The following ERN1 variants were observed in gnomAD, a reference collection of about 807,000 sequenced individuals.
ERN1 encodes endoplasmic reticulum to nucleus signaling 1.
ERN1 carries 39 observed loss-of-function variants against 113.1 expected under a neutral mutation model. That is an observed-to-expected ratio of 0.34 (90% CI 0.27 to 0.45). The LOEUF (loss-of-function observed/expected upper bound fraction) is 0.45, where lower values mean the gene tolerates loss of function less well. Among genes scored for constraint, ERN1 ranks in the 20% least tolerant of loss-of-function variants. The pLI is 1.00. For synonymous variants in ERN1, 507 were observed against 515.9 expected (o/e 0.98, Z 0.23); for missense variants, 976 against 1,274.8 (o/e 0.77, Z 3.57).
intron 2 of ERN1, among the ~76,000 whole-genome samples, chr17:64,084,880 T>C (rs900326898): frequency 6.6e-6 from 1 of 152,216 alleles, no homozygotes; most frequent in African/African-American, 2.4e-5. Context: ...TTGCACTGGC[T>C]GTTCCTCTGC....
At chr17:64,077,980 A>G (rs1003025838) in intron 4 of ERN1, among the ~76,000 whole-genome samples, 24 of 152,104 alleles carry the variant, frequency 1.6e-4, no homozygotes, top group South Asian at 1.5e-3. Flanking sequence ...TGATCCGCCC[A>G]CCTTGGCCTC....
chr17:64,071,298 G>T (rs560389311), intron 6 of ERN1, among the ~76,000 whole-genome samples: 1 of 152,256 alleles, frequency 6.6e-6, no homozygotes, highest in South Asian at 2.1e-4. Context: ...TTGTGAGAGA[G>T]GATATTTGCC....
In ERN1 at chr17:64,044,634, G is replaced by A. The variant is rs1912453812; in HGVS notation, c.2721+226C>T. Among the ~76,000 whole-genome samples, 1 of 152,208 alleles carries A rather than the reference G, an allele frequency of 6.6e-6. No individual in the cohort carries two copies. The highest frequency in any genetic ancestry group is 1.5e-5 in the Non-Finnish European group (1 of 68,034). ...CCAGAGACCATGAGGGACATGGGCCGCAGAGCACTGCTTCCCGGAGCTTCA... is the reference window on the plus strand; with the variant it reads ...CCAGAGACCATGAGGGACATGGGCCACAGAGCACTGCTTCCCGGAGCTTCA... On this transcript the variant is annotated intron_variant, in intron 21 of 21. Coordinates refer to ENST00000433197, the MANE Select transcript of ERN1 (RefSeq NM_001433.5). The surrounding 1 kb of genome is among the most constrained non-coding windows in gnomAD (Gnocchi z 4.1).
chr17:64,106,664 T>C (rs1469613977), intron 1 of ERN1, among the ~76,000 whole-genome samples: 2 of 148,566 alleles, frequency 1.3e-5, no homozygotes, highest in African/African-American at 5.0e-5. Flanking sequence ...GAAATACCAG[T>C]AAGACACTTT....
At chr17:64,103,271 C>A (rs145744891) in intron 1 of ERN1, among the ~76,000 whole-genome samples, 230 of 151,956 alleles carry the variant, frequency 1.5e-3, no homozygotes, top group African/African-American at 5.5e-3. Flanking sequence ...CCGAGGTGGG[C>A]GGATCACTTG....
In ERN1 at chr17:64,129,986, G is replaced by GGCA. The variant is rs757554328; in HGVS notation, c.41_43dup (p.Leu14dup). ...TCCCCGGTCACTCACCCCGAGGCCG[G>GGCA]GCAGCAGCAGCGTCAGCAGCAGCAG... On this transcript the variant is annotated inframe_insertion, in exon 1 of 22. Transcript: ENST00000433197. The GGCA allele has an allele frequency of 1.4e-6, 2 of 1,449,440 alleles. No individual in the cohort carries two copies. The highest frequency in any genetic ancestry group is 1.8e-6 in the Non-Finnish European group (2 of 1,106,888). 89.8% of individuals were successfully genotyped at this position (1,449,440 alleles called of 1,614,324 possible).
intron 1 of ERN1, chr17:64,128,626 C>T (rs936843787): frequency 2.0e-5 from 3 of 152,134 alleles, no homozygotes; most frequent in African/African-American, 7.2e-5. Context: ...TCTGCTTATA[C>T]CTTCGTTTGT....
rs1305727769 is a variant in ERN1 at position 64,109,953 on chromosome 17, G to T, written c.55-11712C>A. On this transcript the variant is annotated intron_variant, in intron 1 of 21. Coordinates refer to ENST00000433197, the MANE Select transcript of ERN1 (RefSeq NM_001433.5). ...ATCAGCACTCCACTTTGATATGAGG[G>T]TTGGATCTTTTGGATGAGACCAAAA... Among the ~76,000 whole-genome samples, 5 of 152,304 alleles carry T rather than the reference G, an allele frequency of 3.3e-5. No homozygotes were observed. The East Asian group carries it at 9.6e-4, about 29-fold the overall frequency.
At chr17:64,109,418 A>T (rs1914614787) in intron 1 of ERN1, among the ~76,000 whole-genome samples, 1 of 152,222 alleles carries the variant, frequency 6.6e-6, no homozygotes, top group Non-Finnish European at 1.5e-5. Context: ...GCTAGAAAAG[A>T]AGTACTATGA....
chr17:64,098,309 A>AC (rs751027839), intron 1 of ERN1, 68 bp from the exon 2 acceptor site: 61 of 1,573,320 alleles, frequency 3.9e-5, no homozygotes, highest in Middle Eastern at 3.3e-4. Context: ...ACAATCACAG[A>AC]CCCCCCACTC....
At chr17:64,098,028 A>C (rs1914276582) in intron 2 of ERN1, 93 bp downstream of exon 2, 2 of 1,446,638 alleles carry the variant, frequency 1.4e-6, no homozygotes, top group Non-Finnish European at 1.9e-6. Context: ...ATTTTATTAG[A>C]TAATGAGTAA....
At chr17:64,070,601 T>G (rs1913379243) in intron 6 of ERN1, among the ~76,000 whole-genome samples, 1 of 152,150 alleles carries the variant, frequency 6.6e-6, no homozygotes, top group Non-Finnish European at 1.5e-5. Context: ...GGCCAGCTTC[T>G]GCAGGGCCCA....
chr17:64,061,902 G>C (rs1913067182), intron 10 of ERN1, among the ~76,000 whole-genome samples: 1 of 152,322 alleles, frequency 6.6e-6, no homozygotes. Flanking sequence ...CTGTCTGGTA[G>C]GACACCTGCC....
intron 4 of ERN1, among the ~76,000 whole-genome samples, chr17:64,077,723 C>T (rs568040913): frequency 4.9e-4 from 74 of 151,696 alleles, no homozygotes; most frequent in African/African-American, 1.7e-3. Context: ...GGCACATGTC[C>T]ATTGGTGAAC....
Position 64,057,922 on chromosome 17 carries a change from G to A in ERN1, c.1278C>T (p.Pro426=), listed in dbSNP as rs374991812. Residue 426 remains proline, a synonymous_variant, in exon 12 of 22, where the codon CCC becomes CCT. Transcript: ENST00000433197. ...TTVSRDVEEK[P]AHAPARPEAP... The stretch of plus-strand genomic sequence containing the variant: ...CCTCGGGCCGGGCAGGGGCATGGGC[G>A]GGCTTCTCCTCCACATCCCGAGACA... 32 of 1,610,810 alleles carry A rather than the reference G, an allele frequency of 2.0e-5. No homozygotes were observed. Among genetic ancestry groups the A allele is most frequent in the African/African-American group, 1.2e-4 (9 of 74,862 alleles).
intron 1 of ERN1, among the ~76,000 whole-genome samples, chr17:64,116,522 T>C (rs1914805664): frequency 6.6e-6 from 1 of 152,206 alleles, no homozygotes; most frequent in Non-Finnish European, 1.5e-5. Context: ...AATGAGGTAG[T>C]ACCTTTAAAG....
intron 2 of ERN1, among the ~76,000 whole-genome samples, chr17:64,086,573 G>A (rs1913930581): frequency 1.4e-5 from 2 of 145,518 alleles, no homozygotes; most frequent in South Asian, 4.4e-4. Flanking sequence ...TAAAGCTTCT[G>A]TGAACATTTG....
intron 12 of ERN1, among the ~76,000 whole-genome samples, chr17:64,056,195 C>T (rs1034730746): frequency 1.3e-5 from 2 of 152,162 alleles, no homozygotes; most frequent in Admixed American, 1.3e-4. Context: ...TGGATGGCCA[C>T]CAGGGGAGGG....
intron 2 of ERN1, among the ~76,000 whole-genome samples, chr17:64,086,390 G>C (rs1913925100): frequency 6.6e-6 from 1 of 151,982 alleles, no homozygotes; most frequent in Admixed American, 6.6e-5. Context: ...TTTGTGCCTG[G>C]CCTCTTTATC....
Sources: allele counts gnomAD v4.1 joint callset (sites outside exome capture counted in the v4.1 genomes callset), GRCh38; gene constraint gnomAD v4.1.1; non-coding constraint Gnocchi (gnomAD v3.1); transcripts MANE v1.5; gene names NCBI Gene and HGNC (gene_info 2026-07-23, HGNC 2026-07-21).